MYT1L: variants seen among roughly 807,000 people sequenced by gnomAD.
MYT1L encodes the protein myelin transcription factor 1-like protein.
In MYT1L, 12 loss-of-function variants were observed where a neutral mutation model predicts 126.7. That is an observed-to-expected ratio of 0.09 (90% CI 0.06 to 0.15). The LOEUF is 0.15. Among genes scored for constraint, MYT1L ranks in the 10% least tolerant of loss-of-function variants. MYT1L has a pLI of 1.00. For synonymous variants in MYT1L, 541 were observed against 604.2 expected, an observed-to-expected ratio of 0.90 and a Z score of 1.53; for missense variants, 979 against 1,585.2, an observed-to-expected ratio of 0.62 and a Z score of 6.49.
At chr2:2,203,785 A>G (rs905090416) in intron 2 of MYT1L, among the ~76,000 whole-genome samples, 10 of 152,334 alleles carry the variant, frequency 6.6e-5, no homozygotes, top group Admixed American at 2.0e-4. Context: ...GGAACCAAAA[A>G]AGAGCCCACA....
chr2:2,256,296 C>T (rs1378829746), intron 2 of MYT1L, among the ~76,000 whole-genome samples: 1 of 152,220 alleles, frequency 6.6e-6, no homozygotes, highest in African/African-American at 2.4e-5. Context: ...AACTATTGAT[C>T]CAGTGAGCAG....
intron 5 of MYT1L, among the ~76,000 whole-genome samples, chr2:1,996,845 C>T (rs1219596717): frequency 1.3e-3 from 162 of 123,882 alleles, no homozygotes; most frequent in Admixed American, 1.5e-3. Flanking sequence ...GTAGACGGGC[C>T]GCCTTTACCT....
At chr2:2,316,843 C>T (rs1314202701) in intron 1 of MYT1L, among the ~76,000 whole-genome samples, 1 of 151,928 alleles carries the variant, frequency 6.6e-6, no homozygotes, top group Admixed American at 6.6e-5. Context: ...CAGAGTCTCG[C>T]TCTGTCACCG....
At chr2:1,957,046 G>T (rs2058543243) in intron 8 of MYT1L, among the ~76,000 whole-genome samples, 4 of 152,210 alleles carry the variant, frequency 2.6e-5, no homozygotes, top group Admixed American at 2.6e-4. Context: ...TGGGACACTG[G>T]TTGTGCCCAG....
intron 18 of MYT1L, among the ~76,000 whole-genome samples, chr2:1,879,576 T>C (rs1181675546): frequency 6.6e-6 from 1 of 152,192 alleles, no homozygotes; most frequent in Admixed American, 6.5e-5. Context: ...AGGAAATGTG[T>C]CCATCTTTGA....
At chr2:2,110,096 A>C (rs2079250137) in intron 3 of MYT1L, among the ~76,000 whole-genome samples, 1 of 151,590 alleles carries the variant, frequency 6.6e-6, no homozygotes, top group Non-Finnish European at 1.5e-5. Context: ...TGCCAAGTCC[A>C]GGGGTCCAAG....
chr2:2,107,063 T>C (rs2078844407), intron 3 of MYT1L, among the ~76,000 whole-genome samples: 1 of 152,154 alleles, frequency 6.6e-6, no homozygotes, highest in Non-Finnish European at 1.5e-5. Context: ...CCCACAGCTG[T>C]TGCACGAGTA....
chr2:2,174,859 C>A (rs972870849), intron 2 of MYT1L, among the ~76,000 whole-genome samples: 1 of 152,066 alleles, frequency 6.6e-6, no homozygotes, highest in Non-Finnish European at 1.5e-5. Context: ...ATAAATCTCT[C>A]TGAAGTTCAG....
chr2:2,231,409 G>A (rs766266151), intron 2 of MYT1L, among the ~76,000 whole-genome samples: 17 of 152,168 alleles, frequency 1.1e-4, no homozygotes, highest in South Asian at 2.1e-4. Flanking sequence ...TTCAAGGCTC[G>A]TTAGGCAAAA....
intron 13 of MYT1L, among the ~76,000 whole-genome samples, chr2:1,908,546 G>A (rs1034039138): frequency 1.3e-5 from 2 of 152,212 alleles, no homozygotes; most frequent in African/African-American, 2.4e-5. Context: ...TCTGGCCAAA[G>A]TAGGCTGAAG....
At chr2:1,792,055 T>A in intron 24 of MYT1L, 48 bp from the exon 25 acceptor site, 1 of 1,394,002 alleles carries the variant, frequency 7.2e-7, no homozygotes, top group Admixed American at 2.6e-5. Flanking sequence ...ATTTTCTTAA[T>A]AGTATATTTA....
At chr2:2,269,060 C>G (rs2095204544) in intron 2 of MYT1L, among the ~76,000 whole-genome samples, 1 of 152,112 alleles carries the variant, frequency 6.6e-6, no homozygotes, top group African/African-American at 2.4e-5. Flanking sequence ...AGCCCAGTCT[C>G]CTGTGTGTGG....
chr2:2,255,883 T>G (rs549483651), intron 2 of MYT1L, among the ~76,000 whole-genome samples: 3 of 152,158 alleles, frequency 2.0e-5, no homozygotes, highest in African/African-American at 7.2e-5. Flanking sequence ...TAGGGGCCAG[T>G]TGAAGTGATG....
chr2:2,325,863 G>C (rs1048771009), intron 1 of MYT1L: 3 of 152,290 alleles, frequency 2.0e-5, no homozygotes, highest in African/African-American at 7.2e-5. Flanking sequence ...GCCTAACCAA[G>C]AGACTTTAGG....
chr2:2,276,244 G>A (rs193237817), intron 2 of MYT1L, among the ~76,000 whole-genome samples: 24 of 152,206 alleles, frequency 1.6e-4, no homozygotes, highest in East Asian at 7.7e-4. Context: ...ACACCCTTGC[G>A]TGCCTGTGTG....
At chr2:1,881,463 T>A in intron 18 of MYT1L, among the ~76,000 whole-genome samples, 1 of 152,126 alleles carries the variant, frequency 6.6e-6, no homozygotes, top group Non-Finnish European at 1.5e-5. Context: ...TAATTGTATT[T>A]CCTATATTTT....
chr2:2,190,194 T>C (rs1353671573), intron 2 of MYT1L, among the ~76,000 whole-genome samples: 1 of 151,254 alleles, frequency 6.6e-6, no homozygotes, highest in East Asian at 1.9e-4. Flanking sequence ...CAGTGGCTCA[T>C]GCCTGTAGTC....
intron 3 of MYT1L, among the ~76,000 whole-genome samples, chr2:2,144,388 C>T (rs2084544449): frequency 6.6e-6 from 1 of 152,186 alleles, no homozygotes; most frequent in South Asian, 2.1e-4. Flanking sequence ...ATCTGTATGG[C>T]TCACAGGTTA....
chr2:1,967,422 G>A (rs530982846), intron 8 of MYT1L, among the ~76,000 whole-genome samples: 15 of 152,356 alleles, frequency 9.8e-5, no homozygotes, highest in African/African-American at 3.1e-4. Context: ...CCCTCTGGGA[G>A]ACGGCCCGGG....
Sources: gnomAD v4.1 joint callset for allele counts (sites outside exome capture counted in the v4.1 genomes callset) on GRCh38, gnomAD v4.1.1 for gene constraint, MANE v1.5 for transcripts, NCBI Gene and HGNC (gene_info 2026-07-23, HGNC 2026-07-21) for gene names.